The following XKR5 variants were observed in gnomAD, a reference collection of about 807,000 sequenced individuals.
XKR5 encodes the protein XK-related protein 5.
In XKR5, 46 loss-of-function variants were observed where a neutral mutation model predicts 40.8. The observed-to-expected ratio is 1.13, with a 90% confidence interval of 0.89 to 1.44. XKR5 has a LOEUF of 1.44. Among genes scored for constraint, XKR5 ranks in the 40% most tolerant of loss-of-function variants. The pLI is 0.00. For missense variants in XKR5, 1,169 were observed against 844.7 expected (o/e 1.38, Z -4.76); for synonymous variants, 466 against 356.1 (o/e 1.31, Z -3.48).
chr8:6,822,825 G>C (rs1001860696), intron 4 of XKR5, among the ~76,000 whole-genome samples: 1 of 152,168 alleles, frequency 6.6e-6, no homozygotes. Context: ...GGAGGGCTTG[G>C]ATTTAGTGGA....
intron 6 of XKR5, among the ~76,000 whole-genome samples, 178 bp downstream of exon 6, chr8:6,815,629 G>C (rs890069662): frequency 6.6e-6 from 1 of 152,100 alleles, no homozygotes; most frequent in African/African-American, 2.4e-5. Flanking sequence ...AGATGAGGCT[G>C]AGCTCAGTAT....
chr8:6,821,367 T>C (rs1804216889), intron 5 of XKR5, among the ~76,000 whole-genome samples: 1 of 152,250 alleles, frequency 6.6e-6, no homozygotes, highest in South Asian at 2.1e-4. Context: ...CTGATTTTGG[T>C]TATTTGGGTG....
At chr8:6,824,437 G>A (rs1049047328) in intron 3 of XKR5, among the ~76,000 whole-genome samples, 3 of 152,192 alleles carry the variant, frequency 2.0e-5, no homozygotes, top group Non-Finnish European at 4.4e-5. Context: ...CCTGAAATGA[G>A]TGGGAGCTGG....
At chr8:6,829,239 G>T (rs527293589) in intron 2 of XKR5, 17 of 169,358 alleles carry the variant, frequency 1.0e-4, no homozygotes, top group African/African-American at 3.8e-4. Flanking sequence ...CTAAACCAAG[G>T]TGCATGCTAA....
intron 5 of XKR5, 119 bp from the exon 6 acceptor site, chr8:6,816,037 C>T: frequency 1.4e-6 from 1 of 709,012 alleles, no homozygotes; most frequent in Non-Finnish European, 2.4e-6. Flanking sequence ...ACTGGAGACT[C>T]CAGGCTGCTG....
At chr8:6,829,587 C>A (rs1320489227) in intron 2 of XKR5, among the ~76,000 whole-genome samples, 1 of 152,208 alleles carries the variant, frequency 6.6e-6, no homozygotes. Flanking sequence ...GTGATCTCAG[C>A]TCACTGTAAC....
chr8:6,811,871 G>T lies in XKR5; in HGVS notation c.1388C>A (p.Ser463Ter). 6.5e-7 allele frequency: 1 copy of T among 1,537,558 alleles called. No homozygotes were observed. The highest frequency in any genetic ancestry group is 2.0e-5 in the Admixed American group (1 of 51,012). Residue 463 changes from serine (S) to a stop codon, truncating the protein, a stop_gained, in exon 7 of 7, where the codon TCA becomes TAA. Transcript: ENST00000618742. LOFTEE classifies it low-confidence loss of function (END_TRUNC). ...QELPSSSRDP[S>*]TLENSSAFEG... ...AAACGCAGAGCTGTTCTCTAAGGTT[G>T]AGGGGTCACGGGATGAGGATGGGAG...
In XKR5 at chr8:6,812,281, C is replaced by A; in HGVS notation, c.978G>T (p.Trp326Cys). ...CACAGGACTTCCTTAGGCAGCCCTGCCAGATGTCTGTGGATTTTGGATGCA... is the reference window on the plus strand; with the variant it reads ...CACAGGACTTCCTTAGGCAGCCCTGACAGATGTCTGTGGATTTTGGATGCA... ...SLLHPKSTDI[W>C]QGCLRKSCGI... is the part of the protein sequence containing the mutation. The change falls in exon 7 of 7, where the codon TGG becomes TGT. Residue 326 changes from tryptophan to cysteine, a missense_variant. Transcript: ENST00000618742. The A allele has an allele frequency of 6.4e-7, 1 of 1,554,218 alleles. No individual in the cohort carries two copies.
chr8:6,812,342 G>T lies in XKR5; in HGVS notation c.920-3C>A. The T allele has an allele frequency of 6.5e-7, 1 of 1,534,270 alleles. No individual in the cohort carries two copies. Among genetic ancestry groups the T allele is most frequent in the South Asian group, 1.2e-5 (1 of 80,622 alleles). On this transcript the variant is annotated splice_polypyrimidine_tract_variant and splice_region_variant and intron_variant, in intron 6 of 6. Transcript: ENST00000618742. The stretch of plus-strand genomic sequence containing the variant: ...ATAAATTACCAGTGAGACACTGCCT[G>T]AAAAAGAACAAAAAGACCACAAGGT...
chr8:6,812,808 A>G (rs1350606565), intron 6 of XKR5, among the ~76,000 whole-genome samples: 1 of 152,234 alleles, frequency 6.6e-6, no homozygotes, highest in African/African-American at 2.4e-5. Flanking sequence ...AATAACCTCA[A>G]AAACAAGTAA....
At chr8:6,816,515 T>A (rs917045036) in intron 5 of XKR5, among the ~76,000 whole-genome samples, 3 of 152,162 alleles carry the variant, frequency 2.0e-5, no homozygotes, top group Admixed American at 2.0e-4. Flanking sequence ...TACGCCCATC[T>A]GGGTCAGCTT....
chr8:6,828,497 C>T (rs982187990), intron 2 of XKR5, among the ~76,000 whole-genome samples: 10 of 152,150 alleles, frequency 6.6e-5, no homozygotes, highest in African/African-American at 1.4e-4. Flanking sequence ...CGAGCTGTCT[C>T]GAACCCATTG....
chr8:6,816,536 C>T (rs1240463393), intron 5 of XKR5, among the ~76,000 whole-genome samples: 2 of 151,952 alleles, frequency 1.3e-5, no homozygotes, highest in East Asian at 3.9e-4. Context: ...ATTAACTTTG[C>T]TTTCCAATTT....
At position 6,811,663 on chromosome 8, in the gene XKR5, T is replaced by G. The variant is rs745477765; in HGVS notation, c.1596A>C (p.Arg532Ser). 1.3e-6 allele frequency: 2 copies of G among 1,537,680 alleles called. No individual in the cohort carries two copies. The highest frequency in any genetic ancestry group is 2.4e-5 in the South Asian group (2 of 84,064). ...TGGAACTCTGCTGTCCTTCCCCTCCTCTCTGCTGCCCACCTGTCCCCTTCC... is the reference window on the plus strand; with the variant it reads ...TGGAACTCTGCTGTCCTTCCCCTCCGCTCTGCTGCCCACCTGTCCCCTTCC... ...TQGKGTGGQQ[R>S]GGEGQQSSTL... Residue 532 changes from arginine to serine, a missense_variant, in exon 7 of 7, where the codon AGA becomes AGC. By Grantham distance (110) the Arg-to-Ser change is moderately radical. Transcript: ENST00000618742.
chr8:6,824,985 CTG>C (rs2117104186), intron 3 of XKR5, among the ~76,000 whole-genome samples, 178 bp downstream of exon 3: 2 of 152,358 alleles, frequency 1.3e-5, no homozygotes, highest in East Asian at 3.9e-4. Context: ...AGCCAACTCT[CTG>C]TAAACTCAAT....
intron 1 of XKR5, among the ~76,000 whole-genome samples, chr8:6,833,337 C>G (rs952427276): frequency 6.6e-6 from 1 of 152,252 alleles, no homozygotes; most frequent in African/African-American, 2.4e-5. Context: ...CCTGACCACC[C>G]TGGTGACATT....
chr8:6,828,845 G>C (rs1804634379), intron 2 of XKR5, among the ~76,000 whole-genome samples: 1 of 152,196 alleles, frequency 6.6e-6, no homozygotes, highest in Non-Finnish European at 1.5e-5. Flanking sequence ...TAATCCAGTA[G>C]AAAAGTTTCT....
intron 2 of XKR5, among the ~76,000 whole-genome samples, chr8:6,831,103 T>G (rs1804744880): frequency 6.6e-6 from 1 of 152,182 alleles, no homozygotes; most frequent in Non-Finnish European, 1.5e-5. Flanking sequence ...AACAGGCCTC[T>G]GTCCTCGAGG....
chr8:6,835,349 C>G (rs1804965017), intron 1 of XKR5, 87 bp downstream of exon 1: 1 of 1,295,860 alleles, frequency 7.7e-7, no homozygotes, highest in African/African-American at 1.6e-5. Context: ...AGTGCCCGCC[C>G]GGGCATAGGC....
Sources: allele counts gnomAD v4.1 joint callset (sites outside exome capture counted in the v4.1 genomes callset), GRCh38; gene constraint gnomAD v4.1.1; transcripts MANE v1.5; gene names NCBI Gene and HGNC (gene_info 2026-07-23, HGNC 2026-07-21).